Variants in ERBB4 observed in about 807,000 individuals in gnomAD.
ERBB4 encodes the protein erb-b2 receptor tyrosine kinase 4, also known as receptor tyrosine-protein kinase erbB-4.
A neutral mutation model predicts 158.0 loss-of-function variants in ERBB4; 42 were observed. The observed-to-expected ratio is 0.27, with a 90% CI of 0.21 to 0.34. The LOEUF (loss-of-function observed/expected upper bound fraction) is 0.34, where lower values mean the gene tolerates loss of function less well. Among genes scored for constraint, ERBB4 ranks in the 10% least tolerant of loss-of-function variants. The pLI is 1.00. For synonymous variants in ERBB4, 583 were observed against 558.7 expected (o/e 1.04, Z -0.61); for missense variants, 1,333 against 1,624.1 (o/e 0.82, Z 3.08).
chr2:212,276,469 C>T (rs1353056081), intron 1 of ERBB4, among the ~76,000 whole-genome samples: 1 of 151,642 alleles, frequency 6.6e-6, no homozygotes, highest in African/African-American at 2.4e-5. Context: ...GGTAATTAAA[C>T]AGTCATGTAA....
At chr2:211,648,499 A>T (rs189131895) in intron 16 of ERBB4, among the ~76,000 whole-genome samples, 1 of 151,918 alleles carries the variant, frequency 6.6e-6, no homozygotes, top group Non-Finnish European at 1.5e-5. Flanking sequence ...TTTGACATGT[A>T]GTAAATACAA....
At chr2:211,674,545 G>C (rs1352407384) in intron 13 of ERBB4, among the ~76,000 whole-genome samples, 3 of 152,074 alleles carry the variant, frequency 2.0e-5, no homozygotes, top group Non-Finnish European at 4.4e-5. Flanking sequence ...ATTTTATAAA[G>C]TGAGATAGCA....
intron 25 of ERBB4, among the ~76,000 whole-genome samples, chr2:211,409,920 G>A (rs186931217): frequency 1.8e-4 from 27 of 152,234 alleles, no homozygotes; most frequent in African/African-American, 6.3e-4. Flanking sequence ...GACACTCCGC[G>A]AGTACATAGT....
intron 1 of ERBB4, among the ~76,000 whole-genome samples, chr2:212,387,506 C>T (rs1157085744): frequency 6.6e-6 from 1 of 151,742 alleles, no homozygotes; most frequent in Non-Finnish European, 1.5e-5. Flanking sequence ...AAACCTCTGC[C>T]TCCTGGGCTC....
intron 1 of ERBB4, among the ~76,000 whole-genome samples, chr2:212,418,643 T>C (rs1035939612): frequency 6.6e-6 from 1 of 151,716 alleles, no homozygotes; most frequent in Non-Finnish European, 1.5e-5. Context: ...AGAAATTAAA[T>C]ACACTTTTTG....
chr2:212,189,057 T>G (rs1285071517), intron 1 of ERBB4, among the ~76,000 whole-genome samples: 1 of 133,210 alleles, frequency 7.5e-6, no homozygotes, highest in Non-Finnish European at 1.6e-5. Flanking sequence ...GGACTGGAAG[T>G]ATTTCAGATT....
intron 1 of ERBB4, among the ~76,000 whole-genome samples, chr2:212,273,151 A>G (rs2106124089): frequency 6.6e-6 from 1 of 151,796 alleles, no homozygotes; most frequent in South Asian, 2.1e-4. Context: ...ATAATTTGCC[A>G]CTCCAGATAT....
intron 3 of ERBB4, among the ~76,000 whole-genome samples, chr2:211,826,468 T>C (rs1177977702): frequency 2.0e-5 from 3 of 151,874 alleles, no homozygotes; most frequent in African/African-American, 4.8e-5. Context: ...ATAGCCCTTA[T>C]TATCTTCTCT....
intron 1 of ERBB4, among the ~76,000 whole-genome samples, chr2:212,363,503 G>A (rs1398414741): frequency 6.6e-6 from 1 of 151,348 alleles, no homozygotes; most frequent in Non-Finnish European, 1.5e-5. Flanking sequence ...ATTTCAAAAT[G>A]TAATATTCAC....
At chr2:211,926,205 A>G (rs922593067) in intron 3 of ERBB4, among the ~76,000 whole-genome samples, 3 of 152,178 alleles carry the variant, frequency 2.0e-5, no homozygotes, top group Non-Finnish European at 4.4e-5. Flanking sequence ...TCCCCCTTTT[A>G]TTAGTTACCT....
At chr2:212,098,913 C>A (rs1216950163) in intron 2 of ERBB4, among the ~76,000 whole-genome samples, 1 of 151,896 alleles carries the variant, frequency 6.6e-6, no homozygotes, top group Non-Finnish European at 1.5e-5. Flanking sequence ...GGTGGGAAAC[C>A]GCTTTCTAAC....
At chr2:211,933,356 T>A (rs750847353) in intron 3 of ERBB4, among the ~76,000 whole-genome samples, 8 of 152,056 alleles carry the variant, frequency 5.3e-5, no homozygotes, top group Non-Finnish European at 1.2e-4. Flanking sequence ...AAAAGATATA[T>A]CTATAGGTAT....
At chr2:212,051,390 AGG>A (rs2077394813) in intron 2 of ERBB4, among the ~76,000 whole-genome samples, 1 of 152,114 alleles carries the variant, frequency 6.6e-6, no homozygotes, top group South Asian at 2.1e-4. Flanking sequence ...ATCATTTGAG[AGG>A]TTTTATTTAA....
Position 211,723,938 on chromosome 2 carries a change from A to C in ERBB4, c.741+1138T>G, listed in dbSNP as rs191387784. Among the ~76,000 whole-genome samples the C allele has an allele frequency of 7.2e-5, 11 of 152,332 alleles. No homozygotes were observed. In the East Asian group the frequency reaches 2.1e-3, roughly 29 times the overall value. On this transcript the variant is annotated intron_variant, in intron 6 of 27. Transcript: ENST00000342788. ...TAAAAGTAATGAAATGATAATTTGA[A>C]GCTCACTCAGCACTGTGCTTATCAT... is the stretch of plus-strand genomic sequence containing the variant.
At chr2:212,300,423 G>A (rs12466568) in intron 1 of ERBB4, among the ~76,000 whole-genome samples, 112,160 of 151,334 alleles carry the variant, frequency 0.74, 45,780 homozygotes, top group Non-Finnish European at 0.9. Context: ...CAGGGTTCGC[G>A]TGTTTTTTAA....
At chr2:212,285,222 G>A (rs1387315665) in intron 1 of ERBB4, among the ~76,000 whole-genome samples, 1 of 152,108 alleles carries the variant, frequency 6.6e-6, no homozygotes, top group African/African-American at 2.4e-5. Flanking sequence ...ACATAATCAC[G>A]TGGTTGAAGG....
chr2:211,991,272 G>A (rs192284595), intron 2 of ERBB4, among the ~76,000 whole-genome samples: 1 of 152,120 alleles, frequency 6.6e-6, no homozygotes, highest in Admixed American at 6.6e-5. Flanking sequence ...TAATATTGCA[G>A]ATGATGATTA....
intron 1 of ERBB4, among the ~76,000 whole-genome samples, chr2:212,354,067 G>A (rs1356717133): frequency 6.6e-6 from 1 of 152,194 alleles, no homozygotes; most frequent in Non-Finnish European, 1.5e-5. Flanking sequence ...TATTTCCATC[G>A]CTACAGGATT....
chr2:211,566,818 CTTATG>C (rs150190381), intron 19 of ERBB4, among the ~76,000 whole-genome samples: 1,631 of 152,046 alleles, frequency 0.011, 27 homozygotes, highest in African/African-American at 0.038. Flanking sequence ...TCAATTTATA[CTTATG>C]TTATTTCTTT....
Sources: allele counts gnomAD v4.1 joint callset (sites outside exome capture counted in the v4.1 genomes callset), GRCh38; gene constraint gnomAD v4.1.1; transcripts MANE v1.5; gene names NCBI Gene and HGNC (gene_info 2026-07-23, HGNC 2026-07-21).